ITGBL1: variants seen among roughly 807,000 people sequenced by gnomAD.
ITGBL1 encodes the protein integrin beta-like protein 1.
A neutral mutation model predicts 68.5 loss-of-function variants in ITGBL1; 51 were observed. The ratio of observed to expected loss-of-function variants is 0.74; its 90% CI spans 0.59 to 0.94. ITGBL1 has a LOEUF of 0.94. ITGBL1 is among the 40% of genes least tolerant of loss of function. The pLI is 0.00. For synonymous variants in ITGBL1, 209 were observed against 227.3 expected (o/e 0.92, Z 0.72); for missense variants, 649 against 647.4 (o/e 1.00, Z -0.03).
At chr13:101,544,666 G>T (rs1326376318) in intron 2 of ITGBL1, among the ~76,000 whole-genome samples, 1 of 152,208 alleles carries the variant, frequency 6.6e-6, no homozygotes, top group Non-Finnish European at 1.5e-5. Context: ...AGTCTACAGA[G>T]ACAGGCAGGC....
Position 101,467,109 on chromosome 13 carries a change from A to G in ITGBL1, c.316+13009A>G, listed in dbSNP as rs1388603609. Among the ~76,000 whole-genome samples the G allele has an allele frequency of 4.6e-5, 7 of 152,082 alleles. No individual in the cohort carries two copies. The East Asian group carries it at 1.4e-3, about 29-fold the overall frequency. The stretch of plus-strand genomic sequence containing the variant: ...CTTTTATAAGGGCACTAATCCCACT[A>G]ATGAGCCTGGAGTGCTCATGACCTA... On this transcript the variant is annotated intron_variant, in intron 2 of 10. Transcript: ENST00000376180.
At chr13:101,499,077 G>T (rs552656415) in intron 2 of ITGBL1, among the ~76,000 whole-genome samples, 7 of 152,104 alleles carry the variant, frequency 4.6e-5, no homozygotes, top group Non-Finnish European at 1.0e-4. Context: ...ACAACTGAAT[G>T]TGACATTTGG....
chr13:101,686,960 A>G (rs942657931), intron 7 of ITGBL1, among the ~76,000 whole-genome samples: 1 of 152,196 alleles, frequency 6.6e-6, no homozygotes, highest in Non-Finnish European at 1.5e-5. Flanking sequence ...TTAGAATGAG[A>G]TAATGTTCTA....
chr13:101,527,515 A>C (rs2049400802), intron 2 of ITGBL1, among the ~76,000 whole-genome samples: 1 of 152,070 alleles, frequency 6.6e-6, no homozygotes, highest in East Asian at 1.9e-4. Context: ...CATGAATAAA[A>C]CTATGATGTA....
intron 2 of ITGBL1, among the ~76,000 whole-genome samples, chr13:101,492,298 C>T (rs145842188): frequency 1.3e-5 from 2 of 152,248 alleles, no homozygotes; most frequent in South Asian, 2.1e-4. Context: ...AGTTCAAAGG[C>T]GTTAAGTCAA....
chr13:101,604,881 T>TACACACAC (rs1292236214), intron 7 of ITGBL1, among the ~76,000 whole-genome samples: 25 of 14,272 alleles, frequency 1.8e-3, no homozygotes, highest in South Asian at 4.3e-3. Context: ...TATATATATA[T>TACACACAC]ATATATACAC....
chr13:101,465,181 A>G (rs1188323373), intron 2 of ITGBL1, among the ~76,000 whole-genome samples: 1 of 152,214 alleles, frequency 6.6e-6, no homozygotes, highest in Non-Finnish European at 1.5e-5. Flanking sequence ...AAAAGAGAAA[A>G]CAGCTTCTTT....
intron 10 of ITGBL1, 183 bp from the exon 11 acceptor site, chr13:101,715,380 T>C: frequency 3.4e-6 from 2 of 584,396 alleles, no homozygotes; most frequent in South Asian, 4.2e-5. Flanking sequence ...CCACTAATTG[T>C]TTGAAAGATT....
At chr13:101,526,153 T>TTA (rs2049374061) in intron 2 of ITGBL1, among the ~76,000 whole-genome samples, 1 of 59,744 alleles carries the variant, frequency 1.7e-5, no homozygotes, top group Non-Finnish European at 3.1e-5. Context: ...CTTCTTCTTC[T>TTA]TCTTTTTTTT....
intron 2 of ITGBL1, among the ~76,000 whole-genome samples, chr13:101,543,693 A>G (rs1294234065): frequency 2.0e-5 from 3 of 152,166 alleles, no homozygotes; most frequent in African/African-American, 7.2e-5. Flanking sequence ...TTTCAGGTAC[A>G]CCAATCAGAC....
intron 7 of ITGBL1, among the ~76,000 whole-genome samples, chr13:101,671,433 TTTTGTTTTTTTTTG>T (rs1488876012): frequency 4.2e-5 from 3 of 71,768 alleles, no homozygotes; most frequent in Non-Finnish European, 5.8e-5. Flanking sequence ...TTTGTTTTTT[TTTTGTTTTTTTTTG>T]TTTTTTTTTG....
intron 7 of ITGBL1, among the ~76,000 whole-genome samples, chr13:101,630,629 T>C (rs1018698692): frequency 6.6e-6 from 1 of 152,228 alleles, no homozygotes; most frequent in Admixed American, 6.5e-5. Flanking sequence ...TCTACATCTA[T>C]CATCATCTTC....
At chr13:101,703,247 A>G (rs2034176283) in intron 8 of ITGBL1, among the ~76,000 whole-genome samples, 2 of 152,132 alleles carry the variant, frequency 1.3e-5, no homozygotes, top group Non-Finnish European at 2.9e-5. Flanking sequence ...TATTAGGTAA[A>G]TCTTCACAGA....
chr13:101,687,781 G>A (rs1157091065), intron 7 of ITGBL1, among the ~76,000 whole-genome samples: 1 of 152,090 alleles, frequency 6.6e-6, no homozygotes, highest in Non-Finnish European at 1.5e-5. Flanking sequence ...TATTGATGAT[G>A]TTGGCTGAAT....
rs185178305 is a variant in ITGBL1 at position 101,484,998 on chromosome 13, A to G, written c.316+30898A>G. ...AAAGCATCTAGAGAAAAAACCGTAT[A>G]CTGTATACAGAGGAACGAAAATAAG... On this transcript the variant is annotated intron_variant, in intron 2 of 10. Transcript: ENST00000376180. 5.3e-5 allele frequency among the ~76,000 whole-genome samples: 8 copies of G among 152,296 alleles called. No individual in the cohort carries two copies. In the East Asian group the frequency reaches 1.5e-3, roughly 29 times the overall value.
intron 2 of ITGBL1, among the ~76,000 whole-genome samples, chr13:101,477,696 A>T (rs1000357493): frequency 1.3e-5 from 2 of 152,054 alleles, no homozygotes. Context: ...GAACAACTAT[A>T]TATATGCCAA....
intron 9 of ITGBL1, 49 bp downstream of exon 9, chr13:101,706,951 A>T: frequency 2.7e-5 from 43 of 1,579,710 alleles, no homozygotes; most frequent in Non-Finnish European, 3.7e-5. Flanking sequence ...CTGACACATG[A>T]TTTGTAGAAC....
intron 7 of ITGBL1, among the ~76,000 whole-genome samples, chr13:101,614,173 A>G (rs557985056): frequency 6.6e-6 from 1 of 152,312 alleles, no homozygotes; most frequent in African/African-American, 2.4e-5. Flanking sequence ...TATTTGTTCT[A>G]TATGAAAGAT....
intron 2 of ITGBL1, among the ~76,000 whole-genome samples, chr13:101,518,540 A>C (rs554955723): frequency 6.6e-6 from 1 of 152,278 alleles, no homozygotes; most frequent in South Asian, 2.1e-4. Context: ...TTAATTATTG[A>C]TTTGGATTAA....
Sources: gnomAD v4.1 joint callset for allele counts (sites outside exome capture counted in the v4.1 genomes callset) on GRCh38, gnomAD v4.1.1 for gene constraint, MANE v1.5 for transcripts, NCBI Gene and HGNC (gene_info 2026-07-23, HGNC 2026-07-21) for gene names.